Variants in TDRD3 observed in about 807,000 individuals in gnomAD.
TDRD3 encodes tudor domain containing 3.
Under a neutral mutation model 86.7 loss-of-function variants are expected in TDRD3, and 45 were observed. That is an observed-to-expected ratio of 0.52 (90% CI 0.41 to 0.67). The LOEUF is 0.67. TDRD3 is among the 30% of genes least tolerant of loss of function. The probability of loss-of-function intolerance (pLI) is 0.00; values close to 1 mark genes in which losing one functional copy is unlikely to be tolerated. For missense variants in TDRD3, 814 were observed against 889.0 expected, an observed-to-expected ratio of 0.92 and a Z score of 1.07; for synonymous variants, 298 against 301.7, an observed-to-expected ratio of 0.99 and a Z score of 0.13.
At chr13:60,439,815 G>A in intron 2 of TDRD3, 43 bp downstream of exon 2, 1 of 1,344,114 alleles carries the variant, frequency 7.4e-7, no homozygotes, top group Non-Finnish European at 1.0e-6. Flanking sequence ...AAATCTGGAA[G>A]CTGTATTCAT....
At chr13:60,435,172 G>A (rs924136887) in intron 1 of TDRD3, among the ~76,000 whole-genome samples, 3 of 152,186 alleles carry the variant, frequency 2.0e-5, no homozygotes, top group African/African-American at 7.2e-5. Context: ...AGGGAGAGCT[G>A]TGAATGGGTG....
At chr13:60,445,906 T>C (rs955049424) in intron 3 of TDRD3, among the ~76,000 whole-genome samples, 3 of 152,098 alleles carry the variant, frequency 2.0e-5, no homozygotes, top group Non-Finnish European at 4.4e-5. Context: ...GCTCATAGAA[T>C]AGTAGTACAG....
intron 1 of TDRD3, among the ~76,000 whole-genome samples, chr13:60,427,924 G>A (rs1954851942): frequency 6.6e-6 from 1 of 152,096 alleles, no homozygotes. Context: ...CCACAAGCTG[G>A]GTGGCTTAAA....
chr13:60,547,345 G>T, intron 12 of TDRD3: 2 of 985,372 alleles, frequency 2.0e-6, no homozygotes, highest in Non-Finnish European at 2.4e-6. Context: ...GAGAGAAGGG[G>T]AGTGGGCAAG....
chr13:60,449,061 G>A (rs1338464801), intron 3 of TDRD3, among the ~76,000 whole-genome samples: 1 of 151,916 alleles, frequency 6.6e-6, no homozygotes, highest in Non-Finnish European at 1.5e-5. Context: ...AGGAGTGACT[G>A]GTCTCAAAAC....
At chr13:60,530,919 G>A (rs897532656) in intron 11 of TDRD3, among the ~76,000 whole-genome samples, 1 of 152,086 alleles carries the variant, frequency 6.6e-6, no homozygotes, top group Admixed American at 6.6e-5. Flanking sequence ...GTAGGATTTG[G>A]GGTCAAGAAC....
intron 5 of TDRD3, among the ~76,000 whole-genome samples, chr13:60,473,995 G>C (rs747950257): frequency 2.6e-5 from 4 of 152,154 alleles, no homozygotes; most frequent in Non-Finnish European, 5.9e-5. Context: ...CTGATGGCAG[G>C]CTTGTCCTCA....
chr13:60,525,166 CTTTTTT>C (rs71199006), intron 10 of TDRD3, among the ~76,000 whole-genome samples: 2 of 56,092 alleles, frequency 3.6e-5, no homozygotes, highest in African/African-American at 6.7e-5. Flanking sequence ...TAAGGGAATT[CTTTTTT>C]TTTTTTTTTT....
At chr13:60,420,390 T>C (rs1398061527) in intron 1 of TDRD3, among the ~76,000 whole-genome samples, 1 of 150,102 alleles carries the variant, frequency 6.7e-6, no homozygotes, top group Non-Finnish European at 1.5e-5. Context: ...GTTTTTTTTT[T>C]CTTTTATAAT....
chr13:60,440,111 A>T (rs1008920124), intron 2 of TDRD3, among the ~76,000 whole-genome samples: 2 of 152,208 alleles, frequency 1.3e-5, no homozygotes, highest in Admixed American at 1.3e-4. Flanking sequence ...TTTAATTTAC[A>T]TAGAAACTCT....
intron 8 of TDRD3, among the ~76,000 whole-genome samples, chr13:60,501,956 A>G (rs1956843729): frequency 6.6e-6 from 1 of 152,208 alleles, no homozygotes; most frequent in African/African-American, 2.4e-5. Flanking sequence ...ATACTATAGC[A>G]ATGGAAACTC....
At chr13:60,525,166 C>CTTTTTTTTTTTTTTTTT (rs71199006) in intron 10 of TDRD3, among the ~76,000 whole-genome samples, 1 of 56,092 alleles carries the variant, frequency 1.8e-5, no homozygotes, top group Non-Finnish European at 3.2e-5. Context: ...TAAGGGAATT[C>CTTTTTTTTTTTTTTTTT]TTTTTTTTTT....
chr13:60,456,186 T>C (rs1955666018), intron 3 of TDRD3, among the ~76,000 whole-genome samples: 1 of 152,166 alleles, frequency 6.6e-6, no homozygotes, highest in African/African-American at 2.4e-5. Flanking sequence ...GATGTGATTA[T>C]ACTGTAGAGA....
intron 1 of TDRD3, among the ~76,000 whole-genome samples, chr13:60,417,313 A>T (rs1274297650): frequency 1.4e-5 from 2 of 141,270 alleles, no homozygotes; most frequent in Non-Finnish European, 3.1e-5. Flanking sequence ...ATTGTACTTG[A>T]CCCAGTCTCA....
rs1318534447 is a variant in TDRD3, at chr13:60,571,941, G to A, written c.*10-1675G>A. The stretch of plus-strand genomic sequence containing the variant: ...CAGATATGAGACTTTAGGGGAGATA[G>A]AGCCCAAAACTCCAAACTTCTAGTT... On this transcript the variant is annotated intron_variant, in intron 13 of 13. Transcript: ENST00000377881. Among the ~76,000 whole-genome samples the A allele has an allele frequency of 3.9e-5, 6 of 152,182 alleles. No homozygotes were observed. The East Asian group carries it at 9.6e-4, about 24-fold the overall frequency.
intron 12 of TDRD3, among the ~76,000 whole-genome samples, chr13:60,550,101 C>G (rs1224492456): frequency 6.6e-6 from 1 of 152,066 alleles, no homozygotes; most frequent in Non-Finnish European, 1.5e-5. Flanking sequence ...TACAGTGTGT[C>G]ACTAAGAGTA....
chr13:60,520,993 T>C (rs905014611), intron 10 of TDRD3, among the ~76,000 whole-genome samples: 1 of 152,236 alleles, frequency 6.6e-6, no homozygotes, highest in Admixed American at 6.5e-5. Context: ...CTGGGGTTCT[T>C]TGTGACTTTG....
intron 1 of TDRD3, among the ~76,000 whole-genome samples, chr13:60,429,159 T>A (rs940832730): frequency 6.6e-6 from 1 of 152,196 alleles, no homozygotes; most frequent in Non-Finnish European, 1.5e-5. Flanking sequence ...TTGTTTAGTA[T>A]TTACCTGTTT....
chr13:60,509,929 A>C lies in TDRD3; in HGVS notation c.1015+10A>C. 10 of 1,612,214 alleles carry C rather than the reference A, an allele frequency of 6.2e-6. No homozygotes were observed. The highest frequency in any genetic ancestry group is 7.6e-6 in the Non-Finnish European group (9 of 1,179,058). ...GGTCCTCCTCTGAGAGGTATAATTT[A>C]TTAAGCAGTGTGCCAGATAGTATTG... is the stretch of plus-strand genomic sequence containing the variant. On this transcript the variant is annotated intron_variant, in intron 9 of 13. Coordinates refer to ENST00000377881, the MANE Select transcript of TDRD3 (RefSeq NM_001146070.2).
Sources: gnomAD v4.1 joint callset for allele counts (sites outside exome capture counted in the v4.1 genomes callset) on GRCh38, gnomAD v4.1.1 for gene constraint, MANE v1.5 for transcripts, NCBI Gene and HGNC (gene_info 2026-07-23, HGNC 2026-07-21) for gene names.